The following CLP1 variants were observed in gnomAD, a reference collection of about 807,000 sequenced individuals.
CLP1 encodes the protein cleavage factor polyribonucleotide kinase subunit 1, also known as polyribonucleotide 5'-hydroxyl-kinase Clp1.
Under a neutral mutation model 29.9 loss-of-function variants are expected in CLP1, and 18 were observed. The ratio of observed to expected loss-of-function variants is 0.60; its 90% CI spans 0.42 to 0.89. CLP1 has a LOEUF of 0.89. Among genes scored for constraint, CLP1 ranks in the 40% least tolerant of loss-of-function variants. CLP1 has a pLI of 0.00. For synonymous variants in CLP1, 162 were observed against 206.2 expected (o/e 0.79, Z 1.84); for missense variants, 357 against 544.8 (o/e 0.66, Z 3.43).
At chr11:57,660,619 A>T in intron 2 of CLP1, 146 bp from the exon 3 acceptor site, 1 of 665,156 alleles carries the variant, frequency 1.5e-6, no homozygotes, top group Non-Finnish European at 2.5e-6. Flanking sequence ...GTGCCACTGC[A>T]CTCCATCCTG....
At chr11:57,660,128 G>A in intron 2 of CLP1, 46 bp downstream of exon 2, 3 of 1,510,018 alleles carry the variant, frequency 2.0e-6, no homozygotes, top group South Asian at 1.3e-5. Context: ...CTGCTATCAG[G>A]GTAGGAAACT....
chr11:57,660,114 A>C lies in CLP1; in HGVS notation c.606+32A>C, dbSNP rs769843326. ...GCCAGAGAAAGGTGGGGTGGAGGGA[A>C]GGGCTGCTATCAGGGTAGGAAACTG... is the stretch of plus-strand genomic sequence containing the variant. On this transcript the variant is annotated intron_variant, in intron 2 of 2. Transcript: ENST00000533682. 5 of 1,525,004 alleles carry C rather than the reference A, an allele frequency of 3.3e-6. No individual in the cohort carries two copies. The Admixed American group carries it at 8.5e-5, about 26-fold the overall frequency. 94.5% of individuals were successfully genotyped at this position (1,525,004 alleles called of 1,614,324 possible).
chr11:57,659,029 C>T (rs1298947957), intron 1 of CLP1, among the ~76,000 whole-genome samples: 5 of 151,904 alleles, frequency 3.3e-5, no homozygotes, highest in South Asian at 2.1e-4. Flanking sequence ...CCCAACTCAG[C>T]GCCCCAAAGT....
rs1419334379 is a variant in CLP1 at position 57,659,947 on chromosome 11, G to A, written c.471G>A (p.Val157=). Residue 157 remains valine (V), a synonymous_variant, in exon 2 of 3, where the codon GTG becomes GTA. Coordinates refer to ENST00000533682, the MANE Select transcript of CLP1 (RefSeq NM_006831.3). ...AGCTGGATGTGGGCCAGGGTTCTGT[G>A]TCCATCCCTGGTACCATGGGGGCCC... ...YVELDVGQGS[V]SIPGTMGALY... is the part of the protein sequence containing the mutation. 6.2e-7 allele frequency: 1 copy of A among 1,613,992 alleles called. No homozygotes were observed. The highest frequency in any genetic ancestry group is 1.3e-5 in the African/African-American group (1 of 74,922).
chr11:57,661,004 TG>T lies in CLP1; in HGVS notation c.851del (p.Gly284ValfsTer41). 1.2e-6 allele frequency: 2 copies of T among 1,614,200 alleles called. No homozygotes were observed. The highest frequency in any genetic ancestry group is 1.7e-6 in the Non-Finnish European group (2 of 1,180,028). ...FVRTVLLPKS[G>X]GVVERSKDFR... is the part of the protein sequence containing the mutation. The stretch of plus-strand genomic sequence containing the variant: ...TACGCACTGTGCTGCTCCCTAAATC[TG>T]GGGGTGTGGTGGAGCGCTCCAAGGA... On this transcript the variant is annotated frameshift_variant, in exon 3 of 3. Coordinates refer to ENST00000533682, the MANE Select transcript of CLP1 (RefSeq NM_006831.3). LOFTEE classifies it high-confidence loss of function.
rs1565185254 is a variant in CLP1, at chr11:57,661,711, G to GT, written c.*276dup. ...CCTGGAGAATTGCATTTCTTTCACT[G>GT]TGCTACTATGTGGTTTTTAAAAAAT... On this transcript the variant is annotated 3_prime_UTR_variant, in exon 3 of 3. Transcript: ENST00000533682. 3 of 394,218 alleles carry GT rather than the reference G, an allele frequency of 7.6e-6. No individual in the cohort carries two copies. Among genetic ancestry groups the GT allele is most frequent in the Non-Finnish European group, 9.1e-6 (2 of 219,746 alleles). 24.4% of individuals were successfully genotyped at this position (394,218 alleles called of 1,614,324 possible). A position where few individuals can be genotyped will look rare whatever the true frequency, so the allele number is the denominator to read the frequency against.
In CLP1 at chr11:57,661,452, C is replaced by CCA. The variant is rs1945876407; in HGVS notation, c.*16_*17insCA. 1 of 1,590,198 alleles carries CCA rather than the reference C, an allele frequency of 6.3e-7. No individual in the cohort carries two copies. The highest frequency in any genetic ancestry group is 8.6e-7 in the Non-Finnish European group (1 of 1,167,010). On this transcript the variant is annotated 3_prime_UTR_variant, in exon 3 of 3. Transcript: ENST00000533682. ...TCTGAAGTAGAGATCAGCAGGAAGC[C>CCA]TTGCTGCCTGGGACATAGAGATCAT...
At chr11:57,658,108 G>T (rs970208576) in intron 1 of CLP1, among the ~76,000 whole-genome samples, 1 of 152,170 alleles carries the variant, frequency 6.6e-6, no homozygotes, top group African/African-American at 2.4e-5. Flanking sequence ...CACTGTATTT[G>T]AGGAAGTGTA....
chr11:57,660,791 C>T lies in CLP1; in HGVS notation c.633C>T (p.Phe211=), dbSNP rs767902920. 6 of 1,601,682 alleles carry T rather than the reference C, an allele frequency of 3.7e-6. No individual in the cohort carries two copies. Among genetic ancestry groups the T allele is most frequent in the Non-Finnish European group, 5.1e-6 (6 of 1,171,550 alleles). Residue 211 remains phenylalanine (F), a synonymous_variant, in exon 3 of 3, where the codon TTC becomes TTT. Transcript: ENST00000533682. ...TTACATCTCGTTTAGCAGATGTGTT[C>T]AACCAAAGGTGTGAGGTGAACCGAA... The part of the protein sequence containing the change: ...NKITSRLADV[F]NQRCEVNRRA...
At position 57,660,672 on chromosome 11, in the gene CLP1, C is replaced by T. The variant is rs905183496; in HGVS notation, c.607-93C>T. 6 of 1,088,062 alleles carry T rather than the reference C, an allele frequency of 5.5e-6. No individual in the cohort carries two copies. In the African/African-American group the frequency reaches 7.9e-5, roughly 14 times the overall value. 67.4% of individuals were successfully genotyped at this position (1,088,062 alleles called of 1,614,324 possible). A position where few individuals can be genotyped will look rare whatever the true frequency, so the allele number is the denominator to read the frequency against. On this transcript the variant is annotated intron_variant, in intron 2 of 2. Coordinates refer to ENST00000533682, the MANE Select transcript of CLP1 (RefSeq NM_006831.3). ...CCATTTCAAAAAAAAAATCATTTTT[C>T]TTATATCTAATAGCACTTATTCTAA...
rs951301348 is a variant in CLP1, at chr11:57,659,384, T to G, written c.-22-71T>G. 1.2e-5 allele frequency: 18 copies of G among 1,453,572 alleles called. No individual in the cohort carries two copies. The Admixed American group carries it at 3.2e-4, about 26-fold the overall frequency. The allele number at this position is 1,453,572 out of a possible 1,614,324, so 90.0% of individuals were successfully genotyped here. On this transcript the variant is annotated intron_variant, in intron 1 of 2. Coordinates refer to ENST00000533682, the MANE Select transcript of CLP1 (RefSeq NM_006831.3). ...GATTACAGGCGTGAGCCACCATGCC[T>G]GGCCCCATTGGATGTTTTTGTAACA... is the stretch of plus-strand genomic sequence containing the variant.
At chr11:57,660,726 T>C (rs1945867924) in intron 2 of CLP1, 39 bp from the exon 3 acceptor site, 13 of 1,486,638 alleles carry the variant, frequency 8.7e-6, no homozygotes, top group Non-Finnish European at 1.2e-5. Flanking sequence ...TGGGTTTGTC[T>C]GGGTGTTTTT....
rs1945874765 is a variant in CLP1, at chr11:57,661,277, TAC to T, written c.1121_1122del (p.Thr374ArgfsTer37). 6.2e-7 allele frequency: 1 copy of T among 1,614,036 alleles called. No individual in the cohort carries two copies. Among genetic ancestry groups the T allele is most frequent in the Non-Finnish European group, 8.5e-7 (1 of 1,180,032 alleles). On this transcript the variant is annotated frameshift_variant, in exon 3 of 3. Coordinates refer to ENST00000533682, the MANE Select transcript of CLP1 (RefSeq NM_006831.3). LOFTEE classifies it high-confidence loss of function. Reference protein sequence around the residue: ...HLLSVSTAEGTEENLSETSVA... With the variant: ...HLLSVSTAEGXEENLSETSVA... Reference sequence around the variant, plus strand: ...TACTGAGTGTTAGCACTGCCGAGGGTACAGAGGAGAACCTGTCCGAGACAAGT... The same window carrying T: ...TACTGAGTGTTAGCACTGCCGAGGGTAGAGGAGAACCTGTCCGAGACAAGT...
chr11:57,660,718 G>T, intron 2 of CLP1, 47 bp from the exon 3 acceptor site: 1 of 1,438,548 alleles, frequency 7.0e-7, no homozygotes, highest in Non-Finnish European at 9.4e-7. Flanking sequence ...AGTAGCCATG[G>T]GTTTGTCTGG....
At position 57,661,254 on chromosome 11, in the gene CLP1, C is replaced by T. The variant is rs1236283499; in HGVS notation, c.1096C>T (p.Leu366=). The T allele has an allele frequency of 5.0e-6, 8 of 1,614,110 alleles. No individual in the cohort carries two copies. The South Asian group carries it at 7.7e-5, about 16-fold the overall frequency. The change falls in exon 3 of 3, where the codon CTG becomes TTG. Residue 366 remains leucine, a synonymous_variant. Coordinates refer to ENST00000533682, the MANE Select transcript of CLP1 (RefSeq NM_006831.3). ...TGGGCGAGATATGGTGCACCACCTA[C>T]TGAGTGTTAGCACTGCCGAGGGTAC... ...TPGRDMVHHL[L]SVSTAEGTEE... is the part of the protein sequence containing the mutation.
At chr11:57,658,023 A>G (rs1945838040) in intron 1 of CLP1, among the ~76,000 whole-genome samples, 163 bp downstream of exon 1, 1 of 152,080 alleles carries the variant, frequency 6.6e-6, no homozygotes, top group Non-Finnish European at 1.5e-5. Flanking sequence ...AATAATTCAT[A>G]TCGTTTCCTT....
intron 1 of CLP1, among the ~76,000 whole-genome samples, chr11:57,658,758 C>T (rs903507177): frequency 6.6e-6 from 1 of 152,100 alleles, no homozygotes; most frequent in African/African-American, 2.4e-5. Flanking sequence ...CTGACTCAGT[C>T]TCCTGAGTAG....
At chr11:57,657,896 C>T (rs1945836918) in intron 1 of CLP1, 36 bp downstream of exon 1, 1 of 152,384 alleles carries the variant, frequency 6.6e-6, no homozygotes, top group African/African-American at 2.4e-5. Context: ...CAACTGTCAC[C>T]TCCTTGGGGT....
At chr11:57,660,172 A>C in intron 2 of CLP1, 90 bp downstream of exon 2, 2 of 1,349,846 alleles carry the variant, frequency 1.5e-6, no homozygotes, top group Non-Finnish European at 2.0e-6. Flanking sequence ...GCATTTTCTC[A>C]GCTGGTATTT....
Sources: gnomAD v4.1 joint callset for allele counts (sites outside exome capture counted in the v4.1 genomes callset) on GRCh38, gnomAD v4.1.1 for gene constraint, MANE v1.5 for transcripts, NCBI Gene and HGNC (gene_info 2026-07-23, HGNC 2026-07-21) for gene names.